Variants in QTMAN observed in about 807,000 individuals in gnomAD.
QTMAN encodes queuosine-tRNA mannosyltransferase, also known as tRNA-queuosine alpha-mannosyltransferase.
chr2:144,254,924 T>C, the QTMAN span, among the ~76,000 whole-genome samples: 1 of 152,224 alleles, frequency 6.6e-6, no homozygotes, highest in Non-Finnish European at 1.5e-5. Context: ...ATGGGGCCTG[T>C]AGCCCCTTTG....
chr2:144,304,477 A>G, the QTMAN span, among the ~76,000 whole-genome samples: 1 of 152,220 alleles, frequency 6.6e-6, no homozygotes, highest in South Asian at 2.1e-4. Flanking sequence ...AAGAAGAAAA[A>G]TGTGACTCAT....
the QTMAN span, among the ~76,000 whole-genome samples, chr2:144,303,689 A>T: frequency 6.6e-6 from 1 of 152,360 alleles, no homozygotes; most frequent in East Asian, 1.9e-4. Context: ...CATTTCCAAT[A>T]CTGGCTTTGA....
At chr2:144,199,659 A>T in the QTMAN span, among the ~76,000 whole-genome samples, 6 of 152,318 alleles carry the variant, frequency 3.9e-5, no homozygotes, top group South Asian at 6.2e-4. Context: ...ATATATATAT[A>T]TTTTAATTCA....
the QTMAN span, among the ~76,000 whole-genome samples, chr2:144,026,458 T>C: frequency 8.2e-4 from 125 of 152,160 alleles, no homozygotes; most frequent in Non-Finnish European, 1.6e-3. Flanking sequence ...TAAAAAAGAA[T>C]GGACTCATCT....
the QTMAN span, among the ~76,000 whole-genome samples, chr2:144,251,696 C>T: frequency 6.6e-6 from 1 of 151,850 alleles, no homozygotes; most frequent in Non-Finnish European, 1.5e-5. Flanking sequence ...ACACCAAAAA[C>T]ATGATCCATG....
At chr2:144,241,858 A>C in the QTMAN span, among the ~76,000 whole-genome samples, 1 of 152,184 alleles carries the variant, frequency 6.6e-6, no homozygotes, top group Non-Finnish European at 1.5e-5. Flanking sequence ...CAAAAAAAAA[A>C]ATGAAAAGAA....
At chr2:144,051,653 A>G in the QTMAN span, among the ~76,000 whole-genome samples, 3 of 152,232 alleles carry the variant, frequency 2.0e-5, no homozygotes, top group Admixed American at 2.0e-4. Context: ...AAAAATACAC[A>G]TAAAAAGAGG....
chr2:144,227,833 T>C, the QTMAN span, among the ~76,000 whole-genome samples: 1 of 152,262 alleles, frequency 6.6e-6, no homozygotes, highest in African/African-American at 2.4e-5. Flanking sequence ...CTTGCCTTCC[T>C]CCAAAAGAGG....
At chr2:144,246,820 A>G in the QTMAN span, among the ~76,000 whole-genome samples, 1 of 152,120 alleles carries the variant, frequency 6.6e-6, no homozygotes, top group Non-Finnish European at 1.5e-5. Context: ...TTAAAATATG[A>G]CATCCTTATA....
the QTMAN span, among the ~76,000 whole-genome samples, chr2:143,984,544 T>G: frequency 6.6e-6 from 1 of 152,184 alleles, no homozygotes; most frequent in African/African-American, 2.4e-5. Flanking sequence ...CTGGGTAGAA[T>G]AGGATGGTGT....
the QTMAN span, among the ~76,000 whole-genome samples, chr2:144,084,748 G>A: frequency 6.7e-6 from 1 of 150,138 alleles, no homozygotes; most frequent in Non-Finnish European, 1.5e-5. Context: ...CAAACATAAA[G>A]TTTCTTCTCT....
chr2:144,015,754 G>A, the QTMAN span, among the ~76,000 whole-genome samples: 1 of 152,172 alleles, frequency 6.6e-6, no homozygotes, highest in African/African-American at 2.4e-5. Context: ...AGCACCTCAA[G>A]TTACTCCACT....
the QTMAN span, among the ~76,000 whole-genome samples, chr2:144,086,481 A>G: frequency 6.6e-6 from 1 of 152,126 alleles, no homozygotes; most frequent in Non-Finnish European, 1.5e-5. Context: ...AATTCTCACA[A>G]TATGAGTATT....
the QTMAN span, among the ~76,000 whole-genome samples, chr2:144,099,773 G>A: frequency 6.6e-6 from 1 of 152,134 alleles, no homozygotes. Context: ...CTTTTAAGCT[G>A]CATCTTATGA....
chr2:144,276,661 T>G, the QTMAN span, among the ~76,000 whole-genome samples: 1 of 152,140 alleles, frequency 6.6e-6, no homozygotes, highest in Non-Finnish European at 1.5e-5. Context: ...TTTAAAAAAA[T>G]TTACTCATCA....
the QTMAN span, among the ~76,000 whole-genome samples, chr2:144,012,252 C>A: frequency 6.6e-6 from 1 of 152,140 alleles, no homozygotes; most frequent in African/African-American, 2.4e-5. Context: ...ACAGCTGGAA[C>A]AAGCACTTTC....
chr2:144,261,640 A>AT, the QTMAN span, among the ~76,000 whole-genome samples: 1 of 152,228 alleles, frequency 6.6e-6, no homozygotes, highest in Non-Finnish European at 1.5e-5. Flanking sequence ...AAAGTGTAGT[A>AT]TTTATACAGT....
chr2:144,281,889 A>C, the QTMAN span, among the ~76,000 whole-genome samples: 1 of 152,190 alleles, frequency 6.6e-6, no homozygotes, highest in Non-Finnish European at 1.5e-5. Context: ...TCAGGGGTAC[A>C]TGTGCAGGTT....
the QTMAN span, chr2:143,964,052 A>C: frequency 2.7e-4 from 41 of 152,128 alleles, no homozygotes; most frequent in Admixed American, 1.6e-3. Flanking sequence ...AAATCACTAG[A>C]CTGCTATAAG....
Sources: gnomAD v4.1 joint callset for allele counts (sites outside exome capture counted in the v4.1 genomes callset) on GRCh38, gnomAD v4.1.1 for gene constraint, MANE v1.5 for transcripts, NCBI Gene and HGNC (gene_info 2026-07-23, HGNC 2026-07-21) for gene names.